Variants in CPEB2 observed in about 807,000 individuals in gnomAD.
CPEB2 encodes the protein cytoplasmic polyadenylation element binding protein 2, also known as cytoplasmic polyadenylation element-binding protein 2.
In CPEB2, 56 loss-of-function variants were observed where a neutral mutation model predicts 93.6. That is an observed-to-expected ratio of 0.60 (90% confidence interval 0.48 to 0.75). The LOEUF is 0.75. Among genes scored for constraint, CPEB2 ranks in the 30% least tolerant of loss-of-function variants. The probability of loss-of-function intolerance (pLI) is 0.00; values close to 1 mark genes in which losing one functional copy is unlikely to be tolerated. For missense variants in CPEB2, 1,579 were observed against 1,395.1 expected (o/e 1.13, Z -2.10); for synonymous variants, 764 against 586.3 (o/e 1.30, Z -4.38).
chr4:15,024,495 T>A (rs1390494587), intron 4 of CPEB2, among the ~76,000 whole-genome samples: 3 of 152,194 alleles, frequency 2.0e-5, no homozygotes, highest in Non-Finnish European at 4.4e-5. Context: ...TTCATTTGTA[T>A]GATTGCCTTG....
Position 15,066,060 on chromosome 4 carries a change from G to A in CPEB2, c.2878-93G>A, listed in dbSNP as rs1353245539. The A allele has an allele frequency of 6.6e-6, 7 of 1,068,274 alleles. No homozygotes were observed. In the African/African-American group the frequency reaches 7.9e-5, roughly 12 times the overall value. The allele number at this position is 1,068,274 out of a possible 1,614,324, so 66.2% of individuals were successfully genotyped here. On this transcript the variant is annotated intron_variant, in intron 11 of 11. Coordinates refer to ENST00000538197, the MANE Select transcript of CPEB2 (RefSeq NM_001177382.2). ...CCCATTTCCTCAGCTTTTAATGCTG[G>A]TCCTTTTTTTCTGCTGTAGAACATT... is the stretch of plus-strand genomic sequence containing the variant.
Position 15,003,104 on chromosome 4 carries a change from T to C in CPEB2, c.431T>C (p.Leu144Pro), listed in dbSNP as rs1052155325. The change falls in exon 1 of 12, where the codon CTG becomes CCG. Residue 144 changes from leucine (L) to proline (P), a missense_variant. This residue lies in a region of CPEB2 where 1,411 missense variants were observed against 1,056.0 expected (regional missense o/e 1.34). Transcript: ENST00000538197. Reference protein sequence around the residue: ...LLPSQDFKPSLHHPSSSSASS... With the variant: ...LLPSQDFKPSPHHPSSSSASS... ...CCCTCCCAGGACTTCAAACCGAGTCTGCACCACCCCTCCTCCTCCTCCGCC... is the reference window on the plus strand; with the variant it reads ...CCCTCCCAGGACTTCAAACCGAGTCCGCACCACCCCTCCTCCTCCTCCGCC... 9 of 1,533,454 alleles carry C rather than the reference T, an allele frequency of 5.9e-6. No homozygotes were observed. Among genetic ancestry groups the C allele is most frequent in the Non-Finnish European group, 6.1e-6 (7 of 1,146,030 alleles). 95.0% of individuals were successfully genotyped at this position (1,533,454 alleles called of 1,614,324 possible).
chr4:15,004,926 CT>C (rs113358154), intron 1 of CPEB2: 34,009 of 150,522 alleles, frequency 0.23, 5,265 homozygotes, highest in African/African-American at 0.44. Flanking sequence ...GGCGGAAAGG[CT>C]TTTTTTTTTC....
Position 15,007,570 on chromosome 4 carries a change from C to T in CPEB2, c.1928C>T (p.Thr643Ile). ...TTCAGAACAGACAACAATAGTAATA[C>T]ACTCTTACCCTTACAGGTAAGAATG... Reference protein sequence around the residue: ...NVFRTDNNSNTLLPLQVRSSL... With the variant: ...NVFRTDNNSNILLPLQVRSSL... Residue 643 changes from threonine to isoleucine, a missense_variant, in exon 2 of 12, where the codon ACA (threonine) becomes ATA (isoleucine). Around this residue, in one of 2 missense-constraint regions of CPEB2, gnomAD observed 1,411 missense variants for 1,056.0 expected, o/e 1.34. Transcript: ENST00000538197. 6.3e-7 allele frequency: 1 copy of T among 1,586,718 alleles called. No homozygotes were observed. Among genetic ancestry groups the T allele is most frequent in the Non-Finnish European group, 8.6e-7 (1 of 1,162,606 alleles).
intron 3 of CPEB2, among the ~76,000 whole-genome samples, chr4:15,015,474 A>G (rs778056466): frequency 6.6e-6 from 1 of 152,010 alleles, no homozygotes; most frequent in Non-Finnish European, 1.5e-5. Flanking sequence ...TTACCTTTTT[A>G]AATCCCTGAC....
At position 15,047,714 on chromosome 4, in the gene CPEB2, T is replaced by C. The variant is rs561498067; in HGVS notation, c.2201-4700T>C. On this transcript the variant is annotated intron_variant, in intron 6 of 11. Transcript: ENST00000538197. Reference sequence around the variant, plus strand: ...TTTTCTTTGCCAGTGTTCATGACTTTAAATTATTTTTTTCATCTTCTTTGA... The same window carrying C: ...TTTTCTTTGCCAGTGTTCATGACTTCAAATTATTTTTTTCATCTTCTTTGA... Among the ~76,000 whole-genome samples, 54 of 152,174 alleles carry C rather than the reference T, an allele frequency of 3.5e-4. No homozygotes were observed. In the South Asian group the frequency reaches 0.011, roughly 30 times the overall value.
At chr4:15,009,377 A>G (rs1371821645) in intron 3 of CPEB2, among the ~76,000 whole-genome samples, 1 of 152,220 alleles carries the variant, frequency 6.6e-6, no homozygotes, top group East Asian at 1.9e-4. Flanking sequence ...GTTTTAGCCA[A>G]GTCCTGCCTG....
At chr4:15,017,895 GA>G (rs1227109525) in intron 4 of CPEB2, 1 of 151,354 alleles carries the variant, frequency 6.6e-6, no homozygotes, top group Non-Finnish European at 1.5e-5. Flanking sequence ...TGTATAAAAT[GA>G]AAAAAAGCAA....
At chr4:15,030,204 C>T (rs1033350016) in intron 4 of CPEB2, among the ~76,000 whole-genome samples, 35 of 151,658 alleles carry the variant, frequency 2.3e-4, no homozygotes, top group African/African-American at 8.0e-4. Flanking sequence ...ATGAAATATA[C>T]TATAGAATAT....
chr4:15,004,581 T>G (rs1001261010), intron 1 of CPEB2, among the ~76,000 whole-genome samples: 3 of 151,996 alleles, frequency 2.0e-5, no homozygotes, highest in African/African-American at 7.2e-5. Context: ...GAGTTCGCGC[T>G]GGGAGCCGCG....
intron 10 of CPEB2, among the ~76,000 whole-genome samples, 195 bp from the exon 11 acceptor site, chr4:15,061,884 G>C (rs1040762233): frequency 6.7e-6 from 1 of 148,628 alleles, no homozygotes; most frequent in African/African-American, 2.5e-5. Flanking sequence ...TAGATGTGAT[G>C]GTGGTGAGTC....
At chr4:15,041,231 TGA>T (rs2109050530) in intron 6 of CPEB2, among the ~76,000 whole-genome samples, 1 of 152,170 alleles carries the variant, frequency 6.6e-6, no homozygotes, top group South Asian at 2.1e-4. Context: ...GTAGATGGGA[TGA>T]GAGGAAGCAA....
At chr4:15,058,075 T>A (rs964379417) in intron 8 of CPEB2, among the ~76,000 whole-genome samples, 1 of 152,224 alleles carries the variant, frequency 6.6e-6, no homozygotes, top group Non-Finnish European at 1.5e-5. Flanking sequence ...TTGAAATTAT[T>A]CAACCATTTA....
At position 15,003,469 on chromosome 4, in the gene CPEB2, C is replaced by T. The variant is rs1415731344; in HGVS notation, c.796C>T (p.Pro266Ser). ...CCTGCCCCCGCTCCCGCAGCTCCCTCCCTCGCCGCCTGCAGCCCCGCGGCG... is the reference window on the plus strand; with the variant it reads ...CCTGCCCCCGCTCCCGCAGCTCCCTTCCTCGCCGCCTGCAGCCCCGCGGCG... ...ADLPPLPQLPPSPPAAPRRRH... is the reference protein window; with the variant it reads ...ADLPPLPQLPSSPPAAPRRRH... Residue 266 changes from proline to serine, a missense_variant, in exon 1 of 12, where the codon CCC becomes TCC. Coordinates refer to ENST00000538197, the MANE Select transcript of CPEB2 (RefSeq NM_001177382.2). The T allele has an allele frequency of 1.4e-6, 2 of 1,389,914 alleles. No individual in the cohort carries two copies. The highest frequency in any genetic ancestry group is 1.6e-5 in the South Asian group (1 of 62,402). 86.1% of individuals were successfully genotyped at this position (1,389,914 alleles called of 1,614,324 possible). A position where few individuals can be genotyped will look rare whatever the true frequency, so the allele number is the denominator to read the frequency against.
At chr4:15,009,568 C>A (rs1473494363) in intron 3 of CPEB2, among the ~76,000 whole-genome samples, 2 of 152,112 alleles carry the variant, frequency 1.3e-5, no homozygotes, top group Admixed American at 1.3e-4. Flanking sequence ...AAATTCAATA[C>A]ATGAATGCCT....
intron 6 of CPEB2, 124 bp from the exon 7 acceptor site, chr4:15,052,290 A>G (rs1728302846): frequency 3.3e-6 from 2 of 607,426 alleles, no homozygotes; most frequent in Non-Finnish European, 5.2e-6. Flanking sequence ...AATTTCTCTT[A>G]ATTTTTATGT....
chr4:15,011,490 G>T (rs1007886325), intron 3 of CPEB2, among the ~76,000 whole-genome samples: 1 of 152,050 alleles, frequency 6.6e-6, no homozygotes, highest in Non-Finnish European at 1.5e-5. Context: ...GTACTCAAAA[G>T]TTTGAATTCT....
chr4:15,040,505 G>A lies in CPEB2; in HGVS notation c.2200+18G>A. ...AAGACGAGGTAATTCATTTCTGTTT[G>A]CTATGGTATAATTGTTTCTAATGGG... On this transcript the variant is annotated intron_variant, in intron 6 of 11. Coordinates refer to ENST00000538197, the MANE Select transcript of CPEB2 (RefSeq NM_001177382.2). 4 of 1,534,680 alleles carry A rather than the reference G, an allele frequency of 2.6e-6. No individual in the cohort carries two copies. Among genetic ancestry groups the A allele is most frequent in the Non-Finnish European group, 3.5e-6 (4 of 1,145,610 alleles).
chr4:15,045,115 C>A (rs1030321019), intron 6 of CPEB2, among the ~76,000 whole-genome samples: 1 of 152,038 alleles, frequency 6.6e-6, no homozygotes, highest in African/African-American at 2.4e-5. Flanking sequence ...TATCTTCTAC[C>A]GAAGGAAGGC....
Sources: gnomAD v4.1 joint callset for allele counts (sites outside exome capture counted in the v4.1 genomes callset) on GRCh38, gnomAD v4.1.1 for gene constraint, gnomAD v4.1.1 regional missense constraint, MANE v1.5 for transcripts, NCBI Gene and HGNC (gene_info 2026-07-23, HGNC 2026-07-21) for gene names.